Variants in SLC38A8 observed in about 807,000 individuals in gnomAD.
SLC38A8 encodes amino acid transporter SLC38A8.
Under a neutral mutation model 46.0 loss-of-function variants are expected in SLC38A8, and 65 were observed. The ratio of observed to expected loss-of-function variants is 1.41; its 90% CI spans 1.16 to 1.74. The LOEUF (loss-of-function observed/expected upper bound fraction) is 1.74. Ranked by LOEUF, SLC38A8 falls within the 40% of genes most tolerant of loss-of-function variation. The pLI is 0.00. For synonymous variants in SLC38A8, 447 were observed against 243.7 expected, an observed-to-expected ratio of 1.83 and a Z score of -7.77; for missense variants, 998 against 567.9, an observed-to-expected ratio of 1.76 and a Z score of -7.70.
chr16:84,034,553 T>C lies in SLC38A8; in HGVS notation c.389-1084A>G, dbSNP rs546519641. Among the ~76,000 whole-genome samples the C allele has an allele frequency of 8.6e-4, 131 of 152,302 alleles. 1 individual carries two copies. The highest frequency in any genetic ancestry group is 2.8e-3 in the African/African-American group (115 of 41,562). On this transcript the variant is annotated intron_variant, in intron 3 of 10. Transcript: ENST00000299709. ...AGATGGGAGGCCGAGGAGCTTGAGATGTCTTCGCTCCTTCGGTGGGTTGTT... is the reference window on the plus strand; with the variant it reads ...AGATGGGAGGCCGAGGAGCTTGAGACGTCTTCGCTCCTTCGGTGGGTTGTT...
At chr16:84,028,446 A>T (rs1267804204) in intron 6 of SLC38A8, among the ~76,000 whole-genome samples, 1 of 151,820 alleles carries the variant, frequency 6.6e-6, no homozygotes, top group Non-Finnish European at 1.5e-5. Flanking sequence ...TTAGCCAGGC[A>T]TGGTGGTGCA....
At chr16:84,023,678 G>A (rs4782577) in intron 6 of SLC38A8, among the ~76,000 whole-genome samples, 38,490 of 152,008 alleles carry the variant, frequency 0.25, 5,317 homozygotes, top group East Asian at 0.36. Flanking sequence ...CAGATCACTT[G>A]AGGTCAGGAG....
intron 6 of SLC38A8, among the ~76,000 whole-genome samples, chr16:84,024,146 G>C (rs970700237): frequency 6.6e-6 from 1 of 152,126 alleles, no homozygotes; most frequent in African/African-American, 2.4e-5. Flanking sequence ...TGCAGACATG[G>C]TCAAATGTTC....
At chr16:84,020,976 C>T (rs756799398) in intron 7 of SLC38A8, among the ~76,000 whole-genome samples, 4 of 152,178 alleles carry the variant, frequency 2.6e-5, no homozygotes, top group Non-Finnish European at 4.4e-5. Flanking sequence ...TCCAGCATAA[C>T]GTGAGCAGCT....
intron 2 of SLC38A8, among the ~76,000 whole-genome samples, chr16:84,040,883 C>A (rs544224174): frequency 6.6e-6 from 1 of 152,202 alleles, no homozygotes; most frequent in African/African-American, 2.4e-5. Context: ...GACCACACTG[C>A]GTCATCCATC....
At chr16:84,037,398 GTGC>G (rs35235362) in intron 2 of SLC38A8, among the ~76,000 whole-genome samples, 36,647 of 152,072 alleles carry the variant, frequency 0.24, 4,464 homozygotes, top group South Asian at 0.27. Flanking sequence ...CCTTGCAGGG[GTGC>G]TGCTATGACA....
chr16:84,020,591 G>C (rs2085083996), intron 7 of SLC38A8, among the ~76,000 whole-genome samples: 2 of 152,140 alleles, frequency 1.3e-5, no homozygotes. Flanking sequence ...AGCCAGATCA[G>C]GGGCCACCTG....
chr16:84,023,084 T>G (rs1048649168), intron 6 of SLC38A8, among the ~76,000 whole-genome samples, 195 bp from the exon 7 acceptor site: 7 of 152,206 alleles, frequency 4.6e-5, no homozygotes, highest in Admixed American at 4.6e-4. Context: ...TTTCTGCCTT[T>G]GTTACATGCC....
intron 9 of SLC38A8, among the ~76,000 whole-genome samples, chr16:84,014,843 C>A (rs534659422): frequency 6.6e-6 from 1 of 152,196 alleles, no homozygotes; most frequent in African/African-American, 2.4e-5. Flanking sequence ...TGATAACCAA[C>A]ATTTCTCTGT....
At chr16:84,024,137 G>C (rs9929958) in intron 6 of SLC38A8, among the ~76,000 whole-genome samples, 48,676 of 151,690 alleles carry the variant, frequency 0.32, 8,103 homozygotes, top group African/African-American at 0.36. Context: ...CAAAATGTCT[G>C]CAGACATGGT....
chr16:84,033,342 G>C lies in SLC38A8; in HGVS notation c.516C>G (p.Phe172Leu). The C allele has an allele frequency of 6.2e-7, 1 of 1,614,050 alleles. No homozygotes were observed. The highest frequency in any genetic ancestry group is 8.5e-7 in the Non-Finnish European group (1 of 1,179,996). ...LPLSAPREIA[F>L]QKYTSILGTL... ...CCAGCCCTTACCTTGTGTATTTCTG[G>C]AAGGCGATCTCCCGCGGGGCAGACA... Residue 172 changes from phenylalanine (F) to leucine (L), a missense_variant, in exon 4 of 11, where the codon TTC becomes TTG. Coordinates refer to ENST00000299709, the MANE Select transcript of SLC38A8 (RefSeq NM_001080442.3).
At position 84,022,888 on chromosome 16, in the gene SLC38A8, C is replaced by T. The variant is rs776162300; in HGVS notation, c.692G>A (p.Cys231Tyr). 6.3e-7 allele frequency: 1 copy of T among 1,589,962 alleles called. No homozygotes were observed. Among genetic ancestry groups the T allele is most frequent in the East Asian group, 2.3e-5 (1 of 43,834 alleles). Residue 231 changes from cysteine to tyrosine, a missense_variant and splice_region_variant, in exon 7 of 11, where the codon TGT becomes TAT. By Grantham distance (194) the Cys-to-Tyr change is radical. Coordinates refer to ENST00000299709, the MANE Select transcript of SLC38A8 (RefSeq NM_001080442.3). ...VFPTICFGFQ[C>Y]HEAAVSIYCS... Reference sequence around the variant, plus strand: ...GTAGATGGAGACGGCAGCTTCGTGACACTGTAAGACAGAGGGCGGCTCAGC... The same window carrying T: ...GTAGATGGAGACGGCAGCTTCGTGATACTGTAAGACAGAGGGCGGCTCAGC...
chr16:84,033,280 A>G lies in SLC38A8; in HGVS notation c.530+48T>C, dbSNP rs781515249. On this transcript the variant is annotated intron_variant, in intron 4 of 10. Transcript: ENST00000299709. ...CAGATGGACAGAAACCCTGACACAA[A>G]CACTCAGCAAGGTGGGGGCCCCCAC... The G allele has an allele frequency of 1.9e-6, 3 of 1,612,658 alleles. No individual in the cohort carries two copies. In the Admixed American group the frequency reaches 5.0e-5, roughly 27 times the overall value.
chr16:84,032,632 C>T (rs2085255439), intron 4 of SLC38A8, among the ~76,000 whole-genome samples: 1 of 152,220 alleles, frequency 6.6e-6, no homozygotes, highest in Admixed American at 6.5e-5. Context: ...GGGGACAAGC[C>T]GCCCCCTGGC....
chr16:84,033,387 G>T lies in SLC38A8; in HGVS notation c.471C>A (p.Ser157=), dbSNP rs146958948. Reference sequence around the variant, plus strand: ...CAGACAGGGGCAGGATGACCAGCACGGAGAGCAGGGGCAGGGTGAAGCGCT... The same window carrying T: ...CAGACAGGGGCAGGATGACCAGCACTGAGAGCAGGGGCAGGGTGAAGCGCT... ...ADQRFTLPLL[S]VLVILPLSAP... is the part of the protein sequence containing the mutation. Residue 157 remains serine (S), a synonymous_variant, in exon 4 of 11, where the codon TCC becomes TCA. Transcript: ENST00000299709. 40 of 1,614,040 alleles carry T rather than the reference G, an allele frequency of 2.5e-5. No individual in the cohort carries two copies. The African/African-American group carries it at 4.4e-4, about 18-fold the overall frequency.
chr16:84,038,173 T>G (rs573947610), intron 2 of SLC38A8, among the ~76,000 whole-genome samples: 2 of 152,062 alleles, frequency 1.3e-5, no homozygotes, highest in African/African-American at 2.4e-5. Flanking sequence ...TAGCCAGGCA[T>G]GGTGGCACAT....
chr16:84,035,118 T>C (rs560341889), intron 3 of SLC38A8, among the ~76,000 whole-genome samples: 2 of 152,338 alleles, frequency 1.3e-5, no homozygotes, highest in East Asian at 1.9e-4. Context: ...CGTATCCTCA[T>C]CCGTCCTCTG....
chr16:84,031,732 G>A, intron 5 of SLC38A8, 135 bp downstream of exon 5: 2 of 737,024 alleles, frequency 2.7e-6, no homozygotes, highest in Non-Finnish European at 4.5e-6. Context: ...CCGCATCAGA[G>A]ACGGAAAGAA....
chr16:84,012,214 G>T (rs187255825), intron 10 of SLC38A8, among the ~76,000 whole-genome samples: 1 of 152,214 alleles, frequency 6.6e-6, no homozygotes, highest in African/African-American at 2.4e-5. Context: ...TCTATGGGAT[G>T]GGAGGGAGTC....
Sources: gnomAD v4.1 joint callset for allele counts (sites outside exome capture counted in the v4.1 genomes callset) on GRCh38, gnomAD v4.1.1 for gene constraint, MANE v1.5 for transcripts, NCBI Gene and HGNC (gene_info 2026-07-23, HGNC 2026-07-21) for gene names.